The following BABAM2 variants were observed in gnomAD, a reference collection of about 807,000 sequenced individuals.
BABAM2 encodes the protein BRISC and BRCA1 A complex member 2.
BABAM2 carries 31 observed loss-of-function variants against 54.7 expected under a neutral mutation model. That is an observed-to-expected ratio of 0.57 (90% CI 0.43 to 0.77). The LOEUF is 0.77. BABAM2 is among the 30% of genes least tolerant of loss of function. The probability of loss-of-function intolerance (pLI) is 0.00; values close to 1 mark genes in which losing one functional copy is unlikely to be tolerated. For synonymous variants in BABAM2, 167 were observed against 162.9 expected (o/e 1.03, Z -0.19); for missense variants, 364 against 455.8 (o/e 0.80, Z 1.83).
At chr2:28,159,192 A>G (rs1368672254) in intron 7 of BABAM2, among the ~76,000 whole-genome samples, 1 of 152,250 alleles carries the variant, frequency 6.6e-6, no homozygotes, top group Non-Finnish European at 1.5e-5. Context: ...ATGACATGTC[A>G]GACAGTCTAC....
At chr2:28,200,757 T>G (rs1382086379) in intron 7 of BABAM2, among the ~76,000 whole-genome samples, 1 of 30,940 alleles carries the variant, frequency 3.2e-5, no homozygotes, top group East Asian at 2.3e-3. Flanking sequence ...TCTATGGGGT[T>G]TTTTGTTTGT....
intron 2 of BABAM2, among the ~76,000 whole-genome samples, chr2:27,920,227 G>A (rs573788363): frequency 6.6e-6 from 1 of 152,218 alleles, no homozygotes; most frequent in Admixed American, 6.5e-5. Flanking sequence ...AAAGGTCTAA[G>A]ACTTGACCTT....
chr2:28,094,361 A>T (rs1666418635), intron 6 of BABAM2, among the ~76,000 whole-genome samples: 1 of 152,142 alleles, frequency 6.6e-6, no homozygotes, highest in Admixed American at 6.6e-5. Flanking sequence ...AAAGGGATTT[A>T]AAAATTAAAT....
chr2:28,323,743 C>T (rs1331346703), intron 11 of BABAM2, among the ~76,000 whole-genome samples: 1 of 152,276 alleles, frequency 6.6e-6, no homozygotes, highest in East Asian at 1.9e-4. Context: ...TTTAAGATGA[C>T]CTTTATGTTA....
At chr2:27,910,177 C>T (rs1666475699) in intron 2 of BABAM2, among the ~76,000 whole-genome samples, 1 of 152,204 alleles carries the variant, frequency 6.6e-6, no homozygotes, top group South Asian at 2.1e-4. Context: ...GAGACAAGGC[C>T]ATTATCTGGC....
chr2:28,225,392 A>T (rs1179290507), intron 7 of BABAM2, among the ~76,000 whole-genome samples: 3 of 152,214 alleles, frequency 2.0e-5, no homozygotes, highest in Non-Finnish European at 4.4e-5. Context: ...CAGAGGAGGA[A>T]GCATCAGAAT....
chr2:28,045,882 G>T, intron 6 of BABAM2, 83 bp downstream of exon 6: 2 of 1,103,436 alleles, frequency 1.8e-6, no homozygotes, highest in Non-Finnish European at 1.3e-6. Flanking sequence ...TGACTGGTTT[G>T]TCAGCATTTT....
chr2:28,047,724 G>C (rs1235629382), intron 6 of BABAM2, among the ~76,000 whole-genome samples: 1 of 152,188 alleles, frequency 6.6e-6, no homozygotes, highest in Non-Finnish European at 1.5e-5. Context: ...ACTGTGAAAT[G>C]ATGTCTCTTC....
At chr2:28,235,686 T>A (rs1246097375) in intron 7 of BABAM2, among the ~76,000 whole-genome samples, 1 of 151,824 alleles carries the variant, frequency 6.6e-6, no homozygotes, top group African/African-American at 2.4e-5. Context: ...AGACAGGGTC[T>A]CACTCTGTCG....
In BABAM2 at chr2:27,999,511, T is replaced by C. The variant is rs143915454; in HGVS notation, c.300+11424T>C. Among the ~76,000 whole-genome samples the C allele has an allele frequency of 9.2e-5, 14 of 152,338 alleles. No homozygotes were observed. The East Asian group carries it at 2.7e-3, about 29-fold the overall frequency. ...ACAAAAGTAGGTTGAAGTAGAATTG[T>C]AAGGGGTTTAGAATACAGTGCTAAG... On this transcript the variant is annotated intron_variant, in intron 4 of 11. Transcript: ENST00000379624.
chr2:28,243,011 A>G (rs1489768244), intron 9 of BABAM2, among the ~76,000 whole-genome samples: 1 of 152,214 alleles, frequency 6.6e-6, no homozygotes, highest in East Asian at 1.9e-4. Context: ...TGTAGTACAC[A>G]CACCCCAGAA....
intron 6 of BABAM2, among the ~76,000 whole-genome samples, chr2:28,050,951 A>G (rs1677952817): frequency 6.6e-6 from 1 of 152,200 alleles, no homozygotes; most frequent in African/African-American, 2.4e-5. Context: ...GACTACTGAG[A>G]GATAAAACCA....
rs775938791 is a variant in BABAM2 at position 28,237,297 on chromosome 2, A to G, written c.776A>G (p.Asn259Ser). 1.1e-5 allele frequency: 18 copies of G among 1,612,240 alleles called. No homozygotes were observed. Among genetic ancestry groups the G allele is most frequent in the African/African-American group, 8.0e-5 (6 of 74,850 alleles). ...CCTCAAGTATGCCACCTGCTCACCA[A>G]CAAGGTAAAAGCAAGTCCCCAACTC... ...YVPQVCHLLTNKVQYVIQGYH... is the reference protein window; with the variant it reads ...YVPQVCHLLTSKVQYVIQGYH... Residue 259 changes from asparagine (N) to serine (S), a missense_variant, in exon 8 of 12, where the codon AAC (asparagine) becomes AGC (serine). Asn to Ser is a conservative substitution (Grantham distance 46). Coordinates refer to ENST00000379624, the MANE Select transcript of BABAM2 (RefSeq NM_199191.3).
intron 7 of BABAM2, among the ~76,000 whole-genome samples, chr2:28,155,468 A>G (rs1451764615): frequency 6.6e-6 from 1 of 152,148 alleles, no homozygotes; most frequent in Non-Finnish European, 1.5e-5. Context: ...CCGTATTTTA[A>G]TGCAAGCAGA....
intron 5 of BABAM2, among the ~76,000 whole-genome samples, chr2:28,042,679 G>T (rs932425950): frequency 1.1e-4 from 16 of 152,122 alleles, no homozygotes; most frequent in African/African-American, 3.9e-4. Context: ...CTCAAATATA[G>T]ATTAACTTTT....
In BABAM2 at chr2:28,338,813, G is replaced by T; in HGVS notation, c.*300G>T. ...ATTTTCCGGGGAAAGTAAAGCCTCA[G>T]GAATGCCCACGCCTTTCTTCCAAAG... On this transcript the variant is annotated 3_prime_UTR_variant, in exon 12 of 12. Transcript: ENST00000379624. 1 of 352,932 alleles carries T rather than the reference G, an allele frequency of 2.8e-6. No individual in the cohort carries two copies. The highest frequency in any genetic ancestry group is 6.4e-5 in the East Asian group (1 of 15,516). The allele number at this position is 352,932 out of a possible 1,614,324, so 21.9% of individuals were successfully genotyped here.
intron 3 of BABAM2, among the ~76,000 whole-genome samples, chr2:27,971,483 T>C (rs955153961): frequency 3.3e-5 from 5 of 152,124 alleles, no homozygotes; most frequent in African/African-American, 9.6e-5. Flanking sequence ...TTCCTCCAAA[T>C]GGCAATGTCT....
At chr2:28,220,345 TAAAA>T (rs2148011219) in intron 7 of BABAM2, among the ~76,000 whole-genome samples, 2 of 152,272 alleles carry the variant, frequency 1.3e-5, no homozygotes, top group South Asian at 4.1e-4. Context: ...TAAAGATAAA[TAAAA>T]GAAGCTCTTA....
chr2:28,080,572 G>GT (rs1665074773), intron 6 of BABAM2, among the ~76,000 whole-genome samples: 5 of 152,062 alleles, frequency 3.3e-5, no homozygotes, highest in African/African-American at 1.2e-4. Context: ...TTTTGGTGAT[G>GT]GCTGTTGAAC....
Sources: allele counts gnomAD v4.1 joint callset (sites outside exome capture counted in the v4.1 genomes callset), GRCh38; gene constraint gnomAD v4.1.1; transcripts MANE v1.5; gene names NCBI Gene and HGNC (gene_info 2026-07-23, HGNC 2026-07-21).